SLCO3A1: variants seen among roughly 807,000 people sequenced by gnomAD.
SLCO3A1 encodes the protein solute carrier organic anion transporter family member 3A1, also known as PGE1 transporter.
In SLCO3A1, 27 loss-of-function variants were observed where a neutral mutation model predicts 63.1. The ratio of observed to expected loss-of-function variants is 0.43; its 90% CI spans 0.32 to 0.59. The LOEUF (loss-of-function observed/expected upper bound fraction) is 0.59, where lower values mean the gene tolerates loss of function less well. SLCO3A1 is among the 20% of genes least tolerant of loss of function. The probability of loss-of-function intolerance (pLI) is 0.09; values close to 1 mark genes in which losing one functional copy is unlikely to be tolerated. For synonymous variants in SLCO3A1, 473 were observed against 409.9 expected, an observed-to-expected ratio of 1.15 and a Z score of -1.86; for missense variants, 773 against 945.8, an observed-to-expected ratio of 0.82 and a Z score of 2.40.
intron 2 of SLCO3A1, among the ~76,000 whole-genome samples, chr15:92,020,524 T>A (rs2046496098): frequency 6.6e-6 from 1 of 152,250 alleles, no homozygotes; most frequent in Non-Finnish European, 1.5e-5. Context: ...CAATCCATTT[T>A]TATTTTCATT....
chr15:91,938,117 G>C (rs1899479784), intron 2 of SLCO3A1, among the ~76,000 whole-genome samples: 1 of 152,158 alleles, frequency 6.6e-6, no homozygotes, highest in African/African-American at 2.4e-5. Flanking sequence ...GTAGTTTTTG[G>C]AGATGAATTC....
chr15:92,061,173 T>A (rs1367813510), intron 2 of SLCO3A1, among the ~76,000 whole-genome samples: 3 of 152,240 alleles, frequency 2.0e-5, no homozygotes, highest in African/African-American at 7.2e-5. Context: ...CACTGGGGTC[T>A]GGTATACATA....
Position 91,967,316 on chromosome 15 carries a change from G to A in SLCO3A1, c.646+50858G>A, listed in dbSNP as rs1900695656. ...GCAGAGGTATAAGAGGAAGCAGAGA[G>A]TACTGTTTTCTAGATTAACTGCTCT... is the stretch of plus-strand genomic sequence containing the variant. On this transcript the variant is annotated intron_variant, in intron 2 of 9. Transcript: ENST00000318445. This position sits in a 1 kb window ranked among gnomAD's most constrained non-coding sequence, Gnocchi z 4.4. 6.6e-6 allele frequency among the ~76,000 whole-genome samples: 1 copy of A among 152,098 alleles called. No individual in the cohort carries two copies. The highest frequency in any genetic ancestry group is 1.5e-5 in the Non-Finnish European group (1 of 68,022).
rs547311194 is a variant in SLCO3A1 at position 92,016,511 on chromosome 15, C to T, written c.647-78370C>T. 1.2e-4 allele frequency among the ~76,000 whole-genome samples: 18 copies of T among 152,214 alleles called. No individual in the cohort carries two copies. In the South Asian group the frequency reaches 3.5e-3, roughly 30 times the overall value. ...TCGTCCTGATCCCTTGGGATCTAGGCAGTGGCAATCTCTATGGCCTTTGTA... is the reference window on the plus strand; with the variant it reads ...TCGTCCTGATCCCTTGGGATCTAGGTAGTGGCAATCTCTATGGCCTTTGTA... On this transcript the variant is annotated intron_variant, in intron 2 of 9. Coordinates refer to ENST00000318445, the MANE Select transcript of SLCO3A1 (RefSeq NM_013272.4).
chr15:92,128,231 C>T (rs903240879), intron 6 of SLCO3A1, 120 bp from the exon 7 acceptor site: 228 of 1,203,044 alleles, frequency 1.9e-4, no homozygotes, highest in Non-Finnish European at 2.6e-4. Flanking sequence ...AACCAGGTAA[C>T]AATCCCATAA....
At chr15:92,082,936 G>A (rs1243903690) in intron 2 of SLCO3A1, among the ~76,000 whole-genome samples, 1 of 152,098 alleles carries the variant, frequency 6.6e-6, no homozygotes, top group African/African-American at 2.4e-5. Flanking sequence ...CTGCGCTTCT[G>A]TATTCTCATC....
chr15:91,964,524 T>C (rs905531724), intron 2 of SLCO3A1, among the ~76,000 whole-genome samples: 4 of 152,006 alleles, frequency 2.6e-5, no homozygotes, highest in Non-Finnish European at 1.5e-5. Context: ...AGTGTTGCTA[T>C]ATTTAGTTCC....
chr15:92,163,795 G>A lies in SLCO3A1; in HGVS notation c.*660G>A. On this transcript the variant is annotated 3_prime_UTR_variant, in exon 10 of 10. Transcript: ENST00000318445. ...ATGCTAATGGGTGATCCGTGCTGGA[G>A]TTTGTAATTGGCACCTCTCACCAGC... The A allele has an allele frequency of 2.0e-6, 2 of 985,494 alleles. No homozygotes were observed. The highest frequency in any genetic ancestry group is 1.2e-6 in the Non-Finnish European group (1 of 830,012). The allele number at this position is 985,494 out of a possible 1,614,324, so 61.0% of individuals were successfully genotyped here. A position where few individuals can be genotyped will look rare whatever the true frequency, so the allele number is the denominator to read the frequency against.
At chr15:92,107,954 A>T (rs2151549293) in intron 4 of SLCO3A1, among the ~76,000 whole-genome samples, 1 of 152,266 alleles carries the variant, frequency 6.6e-6, no homozygotes, top group South Asian at 2.1e-4. Context: ...GGTCAGTGTC[A>T]CTGTTTATTC....
chr15:92,133,162 T>A lies in SLCO3A1; in HGVS notation c.1512+4673T>A, dbSNP rs2048016751. On this transcript the variant is annotated intron_variant, in intron 7 of 9. Coordinates refer to ENST00000318445, the MANE Select transcript of SLCO3A1 (RefSeq NM_013272.4). ...CACCCCTGCCCTCCCCAGCCACAAG[T>A]TCCGACAACTGTAAATGTCTCCAGA... is the stretch of plus-strand genomic sequence containing the variant. Among the ~76,000 whole-genome samples the A allele has an allele frequency of 6.2e-5, 9 of 145,918 alleles. 1 individual carries two copies. The highest frequency in any genetic ancestry group is 6.1e-4 in the Admixed American group (9 of 14,724).
At chr15:92,127,511 A>G (rs1157101628) in intron 6 of SLCO3A1, among the ~76,000 whole-genome samples, 1 of 152,164 alleles carries the variant, frequency 6.6e-6, no homozygotes, top group African/African-American at 2.4e-5. Context: ...TAATCCATGC[A>G]GTACTTTGAA....
intron 2 of SLCO3A1, among the ~76,000 whole-genome samples, chr15:92,024,454 G>T (rs2046546585): frequency 6.6e-6 from 1 of 152,164 alleles, no homozygotes; most frequent in Non-Finnish European, 1.5e-5. Context: ...AGACAGTTTT[G>T]GAATTCATGA....
chr15:92,126,539 A>T (rs551678493), intron 6 of SLCO3A1, among the ~76,000 whole-genome samples: 1 of 152,292 alleles, frequency 6.6e-6, no homozygotes, highest in South Asian at 2.1e-4. Flanking sequence ...CTTTAGGAAA[A>T]ATGTGAAGAG....
chr15:91,998,408 C>T (rs1401902192), intron 2 of SLCO3A1, among the ~76,000 whole-genome samples: 2 of 151,870 alleles, frequency 1.3e-5, no homozygotes, highest in African/African-American at 4.8e-5. Context: ...GTGCCGAGAT[C>T]GAGCCATTGC....
At chr15:91,955,578 C>T (rs536773391) in intron 2 of SLCO3A1, among the ~76,000 whole-genome samples, 7 of 152,238 alleles carry the variant, frequency 4.6e-5, no homozygotes, top group South Asian at 2.1e-4. Context: ...GGTAATCCAC[C>T]GCCTCAGCCT....
chr15:91,866,887 T>C (rs892420909), intron 1 of SLCO3A1, among the ~76,000 whole-genome samples: 1 of 152,094 alleles, frequency 6.6e-6, no homozygotes, highest in African/African-American at 2.4e-5. Flanking sequence ...GGGTGGGAGA[T>C]GGGCCTGGGT....
intron 4 of SLCO3A1, among the ~76,000 whole-genome samples, chr15:92,109,146 T>C (rs1429164636): frequency 6.6e-6 from 1 of 152,174 alleles, no homozygotes; most frequent in Admixed American, 6.5e-5. Flanking sequence ...TTGTTTTTTG[T>C]GCACTGTCAT....
chr15:91,854,500 T>A lies in SLCO3A1; in HGVS notation c.180+412T>A. The stretch of plus-strand genomic sequence containing the variant: ...TGGGAAGAAAAACCAGTTAGCATCC[T>A]GCGTCCTCTACTCTCCATTGCATCC... On this transcript the variant is annotated intron_variant, in intron 1 of 9. Transcript: ENST00000318445. This position sits in a 1 kb window ranked among gnomAD's most constrained non-coding sequence, Gnocchi z 6.4. 1 of 359,782 alleles carries A rather than the reference T, an allele frequency of 2.8e-6. No homozygotes were observed. The highest frequency in any genetic ancestry group is 2.2e-5 in the African/African-American group (1 of 45,548). The allele number at this position is 359,782 out of a possible 1,614,324, so 22.3% of individuals were successfully genotyped here.
At chr15:91,874,937 A>G (rs1466765390) in intron 1 of SLCO3A1, among the ~76,000 whole-genome samples, 1 of 152,080 alleles carries the variant, frequency 6.6e-6, no homozygotes, top group African/African-American at 2.4e-5. Context: ...ATTAGAGGAG[A>G]TAATTGGTGA....
Sources: gnomAD v4.1 joint callset for allele counts (sites outside exome capture counted in the v4.1 genomes callset) on GRCh38, gnomAD v4.1.1 for gene constraint, Gnocchi (gnomAD v3.1) non-coding constraint, MANE v1.5 for transcripts, NCBI Gene and HGNC (gene_info 2026-07-23, HGNC 2026-07-21) for gene names.